The following MYO18B variants were observed in gnomAD, a reference collection of about 807,000 sequenced individuals.
MYO18B encodes the protein myosin XVIIIB.
A neutral mutation model predicts 273.0 loss-of-function variants in MYO18B; 204 were observed. The observed-to-expected ratio is 0.75, with a 90% CI of 0.67 to 0.84. The LOEUF (loss-of-function observed/expected upper bound fraction) is 0.84, where lower values mean the gene tolerates loss of function less well. Ranked by LOEUF, MYO18B falls within the 40% of genes least tolerant of loss-of-function variation. MYO18B has a pLI of 0.00. For missense variants in MYO18B, 3,212 were observed against 3,287.6 expected (o/e 0.98, Z 0.56); for synonymous variants, 1,330 against 1,305.7 (o/e 1.02, Z -0.40).
downstream of MYO18B, among the ~76,000 whole-genome samples, chr22:26,035,479 A>T (rs1936761030): frequency 2.6e-5 from 4 of 152,164 alleles, no homozygotes; most frequent in Admixed American, 2.6e-4. Flanking sequence ...AGAGAAGGAG[A>T]CTGAAACCCA....
At chr22:25,819,424 G>C (rs2089180325) in intron 12 of MYO18B, among the ~76,000 whole-genome samples, 1 of 152,200 alleles carries the variant, frequency 6.6e-6, no homozygotes, top group Non-Finnish European at 1.5e-5. Context: ...CACCTACCTA[G>C]AAAGACATCT....
chr22:25,836,994 TAA>T (rs946057424), intron 17 of MYO18B, among the ~76,000 whole-genome samples: 4 of 146,610 alleles, frequency 2.7e-5, no homozygotes, highest in Admixed American at 1.4e-4. Flanking sequence ...ATAATAATAA[TAA>T]TAATAATAAT....
At chr22:25,932,880 A>G (rs1414959950) in intron 34 of MYO18B, among the ~76,000 whole-genome samples, 1 of 152,044 alleles carries the variant, frequency 6.6e-6, no homozygotes, top group Non-Finnish European at 1.5e-5. Flanking sequence ...GTAAGTACCC[A>G]CATATATACT....
At chr22:25,956,414 CT>C (rs1305226086) in intron 39 of MYO18B, among the ~76,000 whole-genome samples, 1 of 152,156 alleles carries the variant, frequency 6.6e-6, no homozygotes, top group Non-Finnish European at 1.5e-5. Context: ...CAGGGTTTCA[CT>C]TTGTGGCCCA....
chr22:25,944,368 G>A (rs2092680147), intron 34 of MYO18B, among the ~76,000 whole-genome samples: 1 of 152,152 alleles, frequency 6.6e-6, no homozygotes, highest in African/African-American at 2.4e-5. Flanking sequence ...CTGGAAAAGG[G>A]GGTTTTGTGA....
chr22:26,060,987 T>A, the MYO18B span, among the ~76,000 whole-genome samples: 1 of 148,120 alleles, frequency 6.8e-6, no homozygotes, highest in Non-Finnish European at 1.5e-5. Flanking sequence ...TATACACACA[T>A]ACCACATATG....
intron 20 of MYO18B, among the ~76,000 whole-genome samples, chr22:25,849,189 C>T (rs2090347276): frequency 6.6e-6 from 1 of 152,220 alleles, no homozygotes; most frequent in Non-Finnish European, 1.5e-5. Flanking sequence ...GTTAGAATGC[C>T]TGTGCGCACG....
intron 22 of MYO18B, among the ~76,000 whole-genome samples, chr22:25,873,242 G>A (rs539031603): frequency 5.4e-4 from 82 of 152,274 alleles, no homozygotes; most frequent in African/African-American, 1.8e-3. Flanking sequence ...AGGAGGCATT[G>A]ATCAGAGTGC....
At chr22:25,877,621 A>T (rs1010958617) in intron 24 of MYO18B, among the ~76,000 whole-genome samples, 2 of 151,986 alleles carry the variant, frequency 1.3e-5, no homozygotes. Flanking sequence ...GGCATGCACC[A>T]CCAAGCCTAG....
At position 25,955,162 on chromosome 22, in the gene MYO18B, G is replaced by GTC. The variant is rs1363133470; in HGVS notation, c.5971-13_5971-12dup. 7.0e-6 allele frequency: 11 copies of GTC among 1,581,600 alleles called. No homozygotes were observed. The Admixed American group carries it at 1.4e-4, about 20-fold the overall frequency. On this transcript the variant is annotated splice_polypyrimidine_tract_variant and intron_variant, in intron 38 of 43. Transcript: ENST00000335473. ...GCCTCCAACTCCAAGGTGGGCATGT[G>GTC]TCTCTGCCCCTCCCAGGTCCTGGTG...
At position 25,768,419 on chromosome 22, in the gene MYO18B, A is replaced by T. The variant is rs1432833483; in HGVS notation, c.503A>T (p.Glu168Val). Residue 168 changes from glutamate to valine, a missense_variant, in exon 4 of 44, where the codon GAG becomes GTG. Coordinates refer to ENST00000335473, the MANE Select transcript of MYO18B (RefSeq NM_032608.7). Reference sequence around the variant, plus strand: ...CTGGACCCGGACTCAGCCAAGCCAGAGAAGACTCATCCCCATGACGCCCCC... The same window carrying T: ...CTGGACCCGGACTCAGCCAAGCCAGTGAAGACTCATCCCCATGACGCCCCC... ...AKLDPDSAKP[E>V]KTHPHDAPPC... 2 of 1,613,702 alleles carry T rather than the reference A, an allele frequency of 1.2e-6. No homozygotes were observed. Among genetic ancestry groups the T allele is most frequent in the Non-Finnish European group, 1.7e-6 (2 of 1,179,806 alleles).
chr22:25,747,867 A>T (rs2085827771), intron 1 of MYO18B, among the ~76,000 whole-genome samples: 1 of 152,026 alleles, frequency 6.6e-6, no homozygotes, highest in South Asian at 2.1e-4. Context: ...GGGTGAGAAA[A>T]ACTGCATCCC....
Position 25,882,645 on chromosome 22 carries a change from A to G in MYO18B, c.4314+4597A>G, listed in dbSNP as rs77306135. Among the ~76,000 whole-genome samples, 1,497 of 152,338 alleles carry G rather than the reference A, an allele frequency of 9.8e-3. 22 individuals are homozygous for G. Among genetic ancestry groups the G allele is most frequent in the African/African-American group, 0.032 (1,336 of 41,562 alleles). ...GAAGCACGTTTGATGACTGAGTATTATGATGACTTTATCTTCCTCAAATCT... is the reference window on the plus strand; with the variant it reads ...GAAGCACGTTTGATGACTGAGTATTGTGATGACTTTATCTTCCTCAAATCT... On this transcript the variant is annotated intron_variant, in intron 25 of 43. Coordinates refer to ENST00000335473, the MANE Select transcript of MYO18B (RefSeq NM_032608.7).
chr22:26,027,166 G>C lies in MYO18B; in HGVS notation c.7192G>C (p.Asp2398His), dbSNP rs1194987281. Residue 2398 changes from aspartate (D) to histidine (H), a missense_variant, in exon 43 of 44, where the codon GAC (aspartate) becomes CAC (histidine). Asp to His is a moderately conservative substitution (Grantham distance 81). Transcript: ENST00000335473. The surrounding 1 kb of genome is among the most constrained non-coding windows in gnomAD (Gnocchi z 4.1). ...CTCTGTGGACGATGCGGGCTGTCCA[G>C]ACCTTGGAAAGGAGCCGCTTGTTTT... ...ESSVDDAGCPDLGKEPLVFQN... is the reference protein window; with the variant it reads ...ESSVDDAGCPHLGKEPLVFQN... 6.2e-7 allele frequency: 1 copy of C among 1,613,974 alleles called. No homozygotes were observed. The highest frequency in any genetic ancestry group is 8.5e-7 in the Non-Finnish European group (1 of 1,179,896).
chr22:25,910,527 C>T (rs935495799), intron 32 of MYO18B, among the ~76,000 whole-genome samples: 2 of 152,160 alleles, frequency 1.3e-5, no homozygotes, highest in African/African-American at 4.8e-5. Flanking sequence ...ATCTCAAATG[C>T]AACTTTTTTA....
intron 17 of MYO18B, among the ~76,000 whole-genome samples, chr22:25,841,814 T>C (rs2748238): frequency 0.86 from 130,910 of 152,292 alleles, 56,521 homozygotes; most frequent in East Asian, 1. Flanking sequence ...CAGTTGCTTC[T>C]AGGACAGTGG....
chr22:25,789,547 A>G (rs866756669), intron 11 of MYO18B, among the ~76,000 whole-genome samples: 1 of 151,960 alleles, frequency 6.6e-6, no homozygotes, highest in African/African-American at 2.4e-5. Flanking sequence ...GAGGCAGGAG[A>G]ATCACTGGGA....
At chr22:25,889,075 T>C (rs1464148054) in intron 25 of MYO18B, among the ~76,000 whole-genome samples, 1 of 152,048 alleles carries the variant, frequency 6.6e-6, no homozygotes, top group African/African-American at 2.4e-5. Flanking sequence ...ATTAACAGTT[T>C]GGGAGTGCTT....
chr22:25,822,113 C>G (rs570758181), intron 12 of MYO18B, among the ~76,000 whole-genome samples: 1 of 152,146 alleles, frequency 6.6e-6, no homozygotes, highest in Admixed American at 6.5e-5. Context: ...ATTCTTTAAT[C>G]CCGTCTGGTT....
Sources: gnomAD v4.1 joint callset for allele counts (sites outside exome capture counted in the v4.1 genomes callset) on GRCh38, gnomAD v4.1.1 for gene constraint, Gnocchi (gnomAD v3.1) non-coding constraint, MANE v1.5 for transcripts, NCBI Gene and HGNC (gene_info 2026-07-23, HGNC 2026-07-21) for gene names.